TRPM7: variants seen among roughly 807,000 people sequenced by gnomAD.
TRPM7 encodes LTRPC ion channel family member 7.
A neutral mutation model predicts 229.7 loss-of-function variants in TRPM7; 134 were observed. That is an observed-to-expected ratio of 0.58 (90% confidence interval 0.51 to 0.67). TRPM7 has a LOEUF of 0.67. Among genes scored for constraint, TRPM7 ranks in the 30% least tolerant of loss-of-function variants. TRPM7 has a pLI of 0.00. For missense variants in TRPM7, 1,901 were observed against 2,210.0 expected, an observed-to-expected ratio of 0.86 and a Z score of 2.80; for synonymous variants, 699 against 715.2, an observed-to-expected ratio of 0.98 and a Z score of 0.36.
chr15:50,595,932 A>G (rs201778385), intron 23 of TRPM7, among the ~76,000 whole-genome samples: 9 of 152,170 alleles, frequency 5.9e-5, no homozygotes, highest in Non-Finnish European at 8.8e-5. Context: ...AAAAAAAATG[A>G]TAGAAAGGTG....
At chr15:50,664,059 G>A (rs971968404) in intron 1 of TRPM7, among the ~76,000 whole-genome samples, 3 of 152,138 alleles carry the variant, frequency 2.0e-5, no homozygotes, top group South Asian at 4.1e-4. Flanking sequence ...CAACACTTTG[G>A]GAGGCTGAGG....
chr15:50,582,809 C>A (rs2054485928), intron 29 of TRPM7, among the ~76,000 whole-genome samples: 1 of 152,096 alleles, frequency 6.6e-6, no homozygotes, highest in Admixed American at 6.5e-5. Context: ...TTTGCAAAAT[C>A]AATCATTATC....
At chr15:50,591,263 T>A (rs74758345) in intron 26 of TRPM7, among the ~76,000 whole-genome samples, 1 of 152,122 alleles carries the variant, frequency 6.6e-6, no homozygotes, top group African/African-American at 2.4e-5. Context: ...GGTAAAAAAA[T>A]TATATGGTCA....
intron 28 of TRPM7, among the ~76,000 whole-genome samples, chr15:50,583,708 C>T (rs1308635318): frequency 6.6e-6 from 1 of 151,940 alleles, no homozygotes; most frequent in Admixed American, 6.6e-5. Context: ...TCCCTAGTAG[C>T]TGGCATTACA....
At chr15:50,585,868 A>T (rs2059328383) in intron 28 of TRPM7, among the ~76,000 whole-genome samples, 1 of 152,218 alleles carries the variant, frequency 6.6e-6, no homozygotes, top group Admixed American at 6.5e-5. Context: ...GTACAAGGCA[A>T]CATGTATTGT....
intron 1 of TRPM7, among the ~76,000 whole-genome samples, chr15:50,678,517 AAT>A (rs71127114): frequency 0.094 from 12,353 of 131,826 alleles, 654 homozygotes; most frequent in Non-Finnish European, 0.12. Flanking sequence ...AAAAAAAAAA[AAT>A]ATATATATAT....
chr15:50,593,814 T>C (rs984629577), intron 24 of TRPM7, 65 bp from the exon 25 acceptor site: 1 of 1,485,066 alleles, frequency 6.7e-7, no homozygotes, highest in Non-Finnish European at 9.1e-7. Flanking sequence ...TAGCTCATAA[T>C]TCTTACGAAT....
chr15:50,622,347 T>C (rs914410715), intron 12 of TRPM7, among the ~76,000 whole-genome samples: 1 of 152,218 alleles, frequency 6.6e-6, no homozygotes, highest in African/African-American at 2.4e-5. Context: ...GTTTTAAAAC[T>C]TCATCAATAA....
At chr15:50,657,624 C>T (rs987783990) in intron 3 of TRPM7, among the ~76,000 whole-genome samples, 157 bp downstream of exon 3, 7 of 152,170 alleles carry the variant, frequency 4.6e-5, no homozygotes, top group Admixed American at 4.6e-4. Flanking sequence ...GAGTTTCAAA[C>T]AGCCTTGACT....
In TRPM7 at chr15:50,599,088, C is replaced by T. The variant is rs72740435; in HGVS notation, c.3163+34G>A. 9,757 of 1,486,334 alleles carry T rather than the reference C, an allele frequency of 6.6e-3. 57 individuals are homozygous for T. Among genetic ancestry groups the T allele is most frequent in the Middle Eastern group, 0.018 (88 of 4,970 alleles). The allele number at this position is 1,486,334 out of a possible 1,614,324, so 92.1% of individuals were successfully genotyped here. A position where few individuals can be genotyped will look rare whatever the true frequency, so the allele number is the denominator to read the frequency against. ...ATATTGGTTTTAAAACACAAAATAA[C>T]CAAAAGATAAATCTGTAAATATACA... On this transcript the variant is annotated intron_variant, in intron 22 of 38. Coordinates refer to ENST00000646667, the MANE Select transcript of TRPM7 (RefSeq NM_017672.6).
chr15:50,686,017 G>A (rs1346400955), intron 1 of TRPM7, among the ~76,000 whole-genome samples: 3 of 152,204 alleles, frequency 2.0e-5, no homozygotes, highest in Non-Finnish European at 4.4e-5. Flanking sequence ...AGTATCCGCT[G>A]CACAGCAAAC....
intron 5 of TRPM7, 126 bp downstream of exon 5, chr15:50,643,214 G>A (rs567996158): frequency 1.4e-4 from 100 of 708,670 alleles, no homozygotes; most frequent in African/African-American, 6.4e-4. Context: ...GCTTGAGCCC[G>A]GGAGGCAGAG....
At chr15:50,663,129 A>G in intron 1 of TRPM7, 83 bp from the exon 2 acceptor site, 1 of 1,088,000 alleles carries the variant, frequency 9.2e-7, no homozygotes, top group East Asian at 2.5e-5. Context: ...ACACATAAAC[A>G]GTTCTTTTTT....
intron 38 of TRPM7, 130 bp from the exon 39 acceptor site, chr15:50,561,938 A>G: frequency 1.1e-6 from 1 of 923,770 alleles, no homozygotes; most frequent in Non-Finnish European, 1.5e-6. Flanking sequence ...CTTGTTGCCC[A>G]AGCTGGAGTG....
At chr15:50,663,812 A>C (rs1415333983) in intron 1 of TRPM7, among the ~76,000 whole-genome samples, 1 of 152,098 alleles carries the variant, frequency 6.6e-6, no homozygotes, top group Non-Finnish European at 1.5e-5. Context: ...AAAGCTAAAA[A>C]ATTAGCCAGG....
intron 1 of TRPM7, among the ~76,000 whole-genome samples, chr15:50,677,280 T>A (rs1338432496): frequency 1.3e-5 from 2 of 152,052 alleles, no homozygotes; most frequent in African/African-American, 4.8e-5. Context: ...CCCACCCTCA[T>A]GACCTCATCT....
chr15:50,642,753 G>A (rs995974328), intron 5 of TRPM7, among the ~76,000 whole-genome samples: 1 of 152,080 alleles, frequency 6.6e-6, no homozygotes, highest in Non-Finnish European at 1.5e-5. Context: ...TATGAAAACA[G>A]ACTAATACAG....
chr15:50,630,899 G>A (rs2060711525), intron 10 of TRPM7, among the ~76,000 whole-genome samples: 1 of 152,040 alleles, frequency 6.6e-6, no homozygotes, highest in East Asian at 1.9e-4. Flanking sequence ...ACAGCGGCAT[G>A]ATCACAGCTC....
chr15:50,605,303 T>G (rs533180759), intron 20 of TRPM7, among the ~76,000 whole-genome samples, 159 bp from the exon 21 acceptor site: 2 of 152,298 alleles, frequency 1.3e-5, no homozygotes, highest in African/African-American at 2.4e-5. Context: ...CAGGGTGGAG[T>G]GCAGTGGCTC....
Sources: allele counts gnomAD v4.1 joint callset (sites outside exome capture counted in the v4.1 genomes callset), GRCh38; gene constraint gnomAD v4.1.1; transcripts MANE v1.5; gene names NCBI Gene and HGNC (gene_info 2026-07-23, HGNC 2026-07-21).